The following CDH12 variants were observed in gnomAD, a reference collection of about 807,000 sequenced individuals.
CDH12 encodes the protein cadherin 12, also known as cadherin-12.
In CDH12, 41 loss-of-function variants were observed where a neutral mutation model predicts 74.1. That is an observed-to-expected ratio of 0.55 (90% CI 0.43 to 0.72). CDH12 has a LOEUF of 0.72. Ranked by LOEUF, CDH12 falls within the 30% of genes least tolerant of loss-of-function variation. The pLI is 0.00. For missense variants in CDH12, 945 were observed against 977.2 expected (o/e 0.97, Z 0.44); for synonymous variants, 399 against 355.0 (o/e 1.12, Z -1.39).
intron 1 of CDH12, among the ~76,000 whole-genome samples, chr5:22,720,188 C>T (rs960513536): frequency 1.3e-5 from 2 of 152,060 alleles, no homozygotes; most frequent in Non-Finnish European, 1.5e-5. Context: ...GTGATTGAAT[C>T]GTGGGGGGCA....
intron 4 of CDH12, among the ~76,000 whole-genome samples, chr5:22,080,892 G>C (rs1054976994): frequency 6.6e-6 from 1 of 151,898 alleles, no homozygotes; most frequent in African/African-American, 2.4e-5. Flanking sequence ...TGATTCTTCT[G>C]ACTCAGCCTC....
intron 11 of CDH12, among the ~76,000 whole-genome samples, chr5:21,765,949 T>C (rs1451473876): frequency 6.6e-6 from 1 of 152,026 alleles, no homozygotes; most frequent in Non-Finnish European, 1.5e-5. Context: ...AAAAGACCTC[T>C]TGCTCAGAGG....
chr5:22,460,713 A>ATTTTTTT (rs3039460), intron 2 of CDH12, among the ~76,000 whole-genome samples: 3,049 of 85,532 alleles, frequency 0.036, 288 homozygotes, highest in Non-Finnish European at 0.041. Context: ...ATATCTAGCA[A>ATTTTTTT]TTTTTTTTTT....
chr5:22,170,448 A>G (rs1416614777), intron 4 of CDH12, among the ~76,000 whole-genome samples: 1 of 151,816 alleles, frequency 6.6e-6, no homozygotes, highest in Admixed American at 6.6e-5. Context: ...AATTGTAGAT[A>G]TAATTTACTG....
At chr5:22,335,270 TG>T (rs1739524869) in intron 3 of CDH12, among the ~76,000 whole-genome samples, 1 of 152,260 alleles carries the variant, frequency 6.6e-6, no homozygotes, top group Admixed American at 6.5e-5. Flanking sequence ...CCGTGGGAGA[TG>T]ATTGAATCAT....
intron 3 of CDH12, among the ~76,000 whole-genome samples, chr5:22,306,772 T>A (rs1164385128): frequency 1.3e-5 from 2 of 152,096 alleles, no homozygotes; most frequent in African/African-American, 4.8e-5. Context: ...ATCAAGTACA[T>A]CAGTGCTGCT....
chr5:22,275,455 G>C (rs1736592260), intron 3 of CDH12, among the ~76,000 whole-genome samples: 1 of 151,952 alleles, frequency 6.6e-6, no homozygotes, highest in Non-Finnish European at 1.5e-5. Context: ...AAATGAAACG[G>C]GTGCTTTTCT....
At chr5:22,531,364 C>A (rs940463730) in intron 1 of CDH12, among the ~76,000 whole-genome samples, 1 of 151,828 alleles carries the variant, frequency 6.6e-6, no homozygotes, top group African/African-American at 2.4e-5. Context: ...GTGAATGATG[C>A]AGTAGAAACA....
intron 13 of CDH12, among the ~76,000 whole-genome samples, chr5:21,756,428 C>A (rs1744399887): frequency 6.6e-6 from 1 of 152,006 alleles, no homozygotes; most frequent in Non-Finnish European, 1.5e-5. Context: ...AAATTGTAAA[C>A]ACCTTGAACT....
At chr5:22,792,938 G>A (rs1488355159) in intron 1 of CDH12, among the ~76,000 whole-genome samples, 1 of 152,126 alleles carries the variant, frequency 6.6e-6, no homozygotes, top group Admixed American at 6.5e-5. Flanking sequence ...GTACCTCCTA[G>A]GTCCTCAAGA....
chr5:22,656,429 T>C (rs1740038647), intron 1 of CDH12, among the ~76,000 whole-genome samples: 1 of 152,164 alleles, frequency 6.6e-6, no homozygotes. Context: ...CTTACATCAT[T>C]GAAACATCAA....
chr5:21,994,593 G>C (rs1158000438), intron 5 of CDH12, among the ~76,000 whole-genome samples: 1 of 152,170 alleles, frequency 6.6e-6, no homozygotes, highest in Non-Finnish European at 1.5e-5. Context: ...CCTGGGAAGA[G>C]AAACCTTGTT....
intron 10 of CDH12, among the ~76,000 whole-genome samples, chr5:21,795,032 TTAAGA>T (rs1417377902): frequency 1.3e-5 from 2 of 151,680 alleles, no homozygotes; most frequent in South Asian, 2.1e-4. Flanking sequence ...AGAACATTCA[TTAAGA>T]TAAAAGAGTT....
At chr5:22,194,333 T>G (rs1283122881) in intron 4 of CDH12, among the ~76,000 whole-genome samples, 1 of 150,798 alleles carries the variant, frequency 6.6e-6, no homozygotes, top group Non-Finnish European at 1.5e-5. Context: ...GTTTTGTTTT[T>G]TTTGTTTTTT....
intron 1 of CDH12, among the ~76,000 whole-genome samples, chr5:22,737,700 T>C (rs1233229415): frequency 1.3e-5 from 2 of 152,008 alleles, no homozygotes; most frequent in East Asian, 3.9e-4. Context: ...TTAACAAATA[T>C]GATGTGAAAT....
intron 4 of CDH12, among the ~76,000 whole-genome samples, chr5:22,083,327 T>C (rs1299138121): frequency 1.3e-5 from 2 of 152,208 alleles, no homozygotes; most frequent in Non-Finnish European, 2.9e-5. Flanking sequence ...TTTTAACTCA[T>C]GTTAATAACA....
intron 3 of CDH12, among the ~76,000 whole-genome samples, chr5:22,350,264 A>C (rs1740304178): frequency 6.6e-6 from 1 of 152,238 alleles, no homozygotes; most frequent in Non-Finnish European, 1.5e-5. Context: ...TGCAGTGAAA[A>C]TACTTAATGA....
At chr5:22,280,123 T>G (rs190176701) in intron 3 of CDH12, among the ~76,000 whole-genome samples, 1 of 152,274 alleles carries the variant, frequency 6.6e-6, no homozygotes, top group East Asian at 1.9e-4. Context: ...TTCTCTGATG[T>G]CCAGTAATGA....
chr5:22,779,633 T>C (rs1747286155), intron 1 of CDH12, among the ~76,000 whole-genome samples: 1 of 152,066 alleles, frequency 6.6e-6, no homozygotes, highest in Non-Finnish European at 1.5e-5. Flanking sequence ...CCCATGCCGG[T>C]CTTGTGATAG....
Sources: gnomAD v4.1 joint callset for allele counts (sites outside exome capture counted in the v4.1 genomes callset) on GRCh38, gnomAD v4.1.1 for gene constraint, MANE v1.5 for transcripts, NCBI Gene and HGNC (gene_info 2026-07-23, HGNC 2026-07-21) for gene names.